Variants in PDE4DIP observed in about 807,000 individuals in gnomAD.
The protein encoded by PDE4DIP is myomegalin.
In PDE4DIP, 59 loss-of-function variants were observed where a neutral mutation model predicts 221.4. The ratio of observed to expected loss-of-function variants is 0.27; its 90% CI spans 0.22 to 0.33. PDE4DIP has a LOEUF of 0.33. Among genes scored for constraint, PDE4DIP ranks in the 10% least tolerant of loss-of-function variants. PDE4DIP has a pLI of 1.00. For missense variants in PDE4DIP, 1,036 were observed against 2,154.2 expected (o/e 0.48, Z 10.28); for synonymous variants, 404 against 815.9 (o/e 0.50, Z 8.60).
intron 1 of PDE4DIP, among the ~76,000 whole-genome samples, chr1:148,838,530 C>T (rs587631685): frequency 6.2e-4 from 26 of 41,896 alleles, no homozygotes; most frequent in African/African-American, 1.9e-3. Flanking sequence ...GATGTTTGAA[C>T]CCAGCAAAGT....
At chr1:148,975,126 G>A (rs587603358) in intron 17 of PDE4DIP, among the ~76,000 whole-genome samples, 31 of 147,624 alleles carry the variant, frequency 2.1e-4, no homozygotes, top group Admixed American at 1.1e-3. Flanking sequence ...AGCTGAGATC[G>A]TGCCATCACA....
chr1:149,030,016 G>A, intron 42 of PDE4DIP, 91 bp downstream of exon 45: 1 of 620,430 alleles, frequency 1.6e-6, no homozygotes, highest in Non-Finnish European at 2.8e-6. Flanking sequence ...AGGGGGGCTT[G>A]GGGATGTTGG....
chr1:148,963,823 G>A (rs1439346308), intron 9 of PDE4DIP, among the ~76,000 whole-genome samples: 3 of 117,660 alleles, frequency 2.5e-5, no homozygotes, highest in Non-Finnish European at 4.8e-5. Flanking sequence ...GCGCGATCTC[G>A]GCTCGCTGCA....
chr1:149,019,871 T>G (rs1298111112), intron 35 of PDE4DIP, among the ~76,000 whole-genome samples: 3 of 151,978 alleles, frequency 2.0e-5, no homozygotes, highest in Admixed American at 6.6e-5. Context: ...ACAGACGATA[T>G]GTGAGCACTT....
At chr1:148,859,507 T>C (rs1361988253) in intron 1 of PDE4DIP, among the ~76,000 whole-genome samples, 1 of 152,050 alleles carries the variant, frequency 6.6e-6, no homozygotes, top group Non-Finnish European at 1.5e-5. Context: ...AGCAGATTGA[T>C]GACGTAGGGA....
chr1:148,996,524 A>T (rs1476777375), intron 22 of PDE4DIP, among the ~76,000 whole-genome samples: 1 of 152,130 alleles, frequency 6.6e-6, no homozygotes, highest in Non-Finnish European at 1.5e-5. Flanking sequence ...ACAAAGTCCA[A>T]GTAAGATTGG....
intron 5 of PDE4DIP, among the ~76,000 whole-genome samples, chr1:148,944,189 A>G (rs868936132): frequency 5.3e-5 from 8 of 152,364 alleles, no homozygotes; most frequent in African/African-American, 1.9e-4. Flanking sequence ...AGATGGAAGA[A>G]GAGAAAGATG....
intron 21 of PDE4DIP, among the ~76,000 whole-genome samples, chr1:148,988,102 GCCT>G (rs1234963969): frequency 6.6e-6 from 1 of 152,126 alleles, no homozygotes; most frequent in Non-Finnish European, 1.5e-5. Flanking sequence ...GTCATTTCAA[GCCT>G]CCTGCTGGGG....
chr1:149,002,449 G>A (rs1178535910), intron 24 of PDE4DIP, among the ~76,000 whole-genome samples: 1 of 152,092 alleles, frequency 6.6e-6, no homozygotes, highest in Non-Finnish European at 1.5e-5. Flanking sequence ...CTCATCACAG[G>A]TGTCTGTTCC....
intron 1 of PDE4DIP, among the ~76,000 whole-genome samples, chr1:148,822,558 T>C (rs1669572507): frequency 6.6e-6 from 1 of 151,300 alleles, no homozygotes; most frequent in Admixed American, 6.6e-5. Flanking sequence ...TTGTCTTCCT[T>C]GAAAATGGTT....
Position 148,919,456 on chromosome 1 carries a change from G to A in PDE4DIP, c.142-9741G>A, listed in dbSNP as rs587767895. Among the ~76,000 whole-genome samples, 4 of 151,352 alleles carry A rather than the reference G, an allele frequency of 2.6e-5. No homozygotes were observed. The South Asian group carries it at 8.3e-4, about 32-fold the overall frequency. ...ACTCCATTTACAAAAGAATTCACTTGGAAACTACTAAAATGTATTTCTGGG... is the reference window on the plus strand; with the variant it reads ...ACTCCATTTACAAAAGAATTCACTTAGAAACTACTAAAATGTATTTCTGGG... On this transcript the variant is annotated intron_variant, in intron 1 of 43. Transcript: ENST00000369354.
At chr1:148,863,475 G>T (rs1205770236) in intron 2 of PDE4DIP, among the ~76,000 whole-genome samples, 170 bp downstream of exon 2, 1 of 91,828 alleles carries the variant, frequency 1.1e-5, no homozygotes, top group Non-Finnish European at 2.2e-5. Context: ...TTTCACCTCA[G>T]CCTCCTGAGT....
chr1:149,000,600 CT>C (rs2065421579), intron 23 of PDE4DIP, among the ~76,000 whole-genome samples: 1 of 151,732 alleles, frequency 6.6e-6, no homozygotes, highest in African/African-American at 2.4e-5. Context: ...ACCTGTGGAA[CT>C]TAAGTAAAAT....
chr1:149,023,645 T>C (rs797023410), intron 37 of PDE4DIP, among the ~76,000 whole-genome samples: 29 of 135,964 alleles, frequency 2.1e-4, no homozygotes, highest in African/African-American at 7.6e-4. Context: ...TGTGCACATA[T>C]ATATGTACAT....
rs1460985908 is a variant in PDE4DIP, at chr1:148,818,032, G to T, written c.233+9295G>T. Among the ~76,000 whole-genome samples the T allele has an allele frequency of 2.9e-4, 44 of 149,668 alleles. 1 individual carries two copies. The highest frequency in any genetic ancestry group is 5.3e-4 in the Non-Finnish European group (36 of 67,432). On this transcript the variant is annotated intron_variant, in intron 1 of 45. Transcript: ENST00000524974. Reference sequence around the variant, plus strand: ...GGGTTTCACCATGTTGGCCAGGGTGGTCTCAAACTTCTGACCTCAGGTGAT... The same window carrying T: ...GGGTTTCACCATGTTGGCCAGGGTGTTCTCAAACTTCTGACCTCAGGTGAT...
intron 5 of PDE4DIP, among the ~76,000 whole-genome samples, chr1:148,950,450 T>C (rs1157815785): frequency 3.3e-5 from 5 of 152,294 alleles, no homozygotes; most frequent in Non-Finnish European, 7.3e-5. Context: ...TGCAAAATTC[T>C]ATAGCCTATG....
At chr1:148,940,949 C>CA (rs1184036431) in intron 5 of PDE4DIP, among the ~76,000 whole-genome samples, 1 of 149,546 alleles carries the variant, frequency 6.7e-6, no homozygotes, top group African/African-American at 2.5e-5. Context: ...ATTCAAATTC[C>CA]AAAAGTCATT....
At chr1:148,947,989 CCAA>C (rs1385008792) in intron 5 of PDE4DIP, among the ~76,000 whole-genome samples, 1 of 151,014 alleles carries the variant, frequency 6.6e-6, no homozygotes, top group Non-Finnish European at 1.5e-5. Context: ...GGGGTAGGTC[CCAA>C]CAATTTATGT....
intron 3 of PDE4DIP, among the ~76,000 whole-genome samples, chr1:148,875,889 G>A (rs1473479420): frequency 6.6e-6 from 1 of 152,402 alleles, no homozygotes; most frequent in South Asian, 2.1e-4. Context: ...TCGAGCCACT[G>A]CACTCCAGCC....
Sources: gnomAD v4.1 joint callset for allele counts (sites outside exome capture counted in the v4.1 genomes callset) on GRCh38, gnomAD v4.1.1 for gene constraint, MANE v1.5 for transcripts, NCBI Gene and HGNC (gene_info 2026-07-23, HGNC 2026-07-21) for gene names.